Variants in VPS13A observed in about 807,000 individuals in gnomAD.
VPS13A encodes vacuolar protein sorting 13 homolog A, also known as intermembrane lipid transfer protein VPS13A.
A neutral mutation model predicts 390.9 loss-of-function variants in VPS13A; 264 were observed. That is an observed-to-expected ratio of 0.68 (90% CI 0.61 to 0.75). The LOEUF (loss-of-function observed/expected upper bound fraction) is 0.75, where lower values mean the gene tolerates loss of function less well. Ranked by LOEUF, VPS13A falls within the 30% of genes least tolerant of loss-of-function variation. The pLI, the probability that VPS13A is intolerant of heterozygous loss-of-function variation, is 0.00. For missense variants in VPS13A, 3,409 were observed against 3,733.9 expected (o/e 0.91, Z 2.27); for synonymous variants, 1,231 against 1,227.1 (o/e 1.00, Z -0.07).
intron 68 of VPS13A, among the ~76,000 whole-genome samples, chr9:77,390,805 A>C (rs1833869044): frequency 6.6e-6 from 1 of 151,848 alleles, no homozygotes; most frequent in African/African-American, 2.4e-5. Context: ...CAGCCTCCCA[A>C]GTAGCTGGGA....
At position 77,314,655 on chromosome 9, in the gene VPS13A, C is replaced by T; in HGVS notation, c.4403C>T (p.Ala1468Val). Residue 1468 changes from alanine to valine, a missense_variant, in exon 37 of 72, where the codon GCA becomes GTA. This residue lies in a region of VPS13A where 2,717 missense variants were observed against 2,917.4 expected (regional missense o/e 0.93). Transcript: ENST00000360280. The stretch of plus-strand genomic sequence containing the variant: ...GATAAAAGACCTCATGTCAAGAAAG[C>T]AACTCCTCGGTATGTATTGTAATGA... ...LDDKRPHVKKATPRMIGLTVG... is the reference protein window; with the variant it reads ...LDDKRPHVKKVTPRMIGLTVG... 1.2e-6 allele frequency: 2 copies of T among 1,611,694 alleles called. No homozygotes were observed. The highest frequency in any genetic ancestry group is 8.5e-7 in the Non-Finnish European group (1 of 1,178,402).
At chr9:77,411,039 T>TAAAGC in intron 71 of VPS13A, among the ~76,000 whole-genome samples, 1 of 152,262 alleles carries the variant, frequency 6.6e-6, no homozygotes, top group South Asian at 2.1e-4. Flanking sequence ...TAGTTGGAAG[T>TAAAGC]AAAGCACTCC....
intron 53 of VPS13A, 41 bp from the exon 54 acceptor site, chr9:77,353,368 A>C (rs780393982): frequency 7.0e-7 from 1 of 1,434,874 alleles, no homozygotes; most frequent in South Asian, 1.3e-5. Flanking sequence ...ACCAAATTCT[A>C]ATTTTTTGGT....
chr9:77,344,233 A>G lies in VPS13A; in HGVS notation c.7107A>G (p.Ile2369Met), dbSNP rs1462558729. The part of the protein sequence containing the change: ...VERSEDPPKR[I>M]YFNKQENCIL... Reference sequence around the variant, plus strand: ...GGAGTGAAGATCCTCCCAAAAGGATATATTTTAACAAGCAGGAAAATTGTA... The same window carrying G: ...GGAGTGAAGATCCTCCCAAAAGGATGTATTTTAACAAGCAGGAAAATTGTA... The change falls in exon 51 of 72, where the codon ATA becomes ATG. Residue 2369 changes from isoleucine (I) to methionine (M), a missense_variant. By Grantham distance (10) the Ile-to-Met change is conservative (BLOSUM62 1). This residue lies in a region of VPS13A where 2,717 missense variants were observed against 2,917.4 expected (regional missense o/e 0.93). Transcript: ENST00000360280. 5.0e-6 allele frequency: 8 copies of G among 1,613,384 alleles called. No individual in the cohort carries two copies. Among genetic ancestry groups the G allele is most frequent in the Non-Finnish European group, 5.1e-6 (6 of 1,179,648 alleles).
intron 5 of VPS13A, among the ~76,000 whole-genome samples, chr9:77,208,293 T>G (rs906566535): frequency 1.3e-5 from 2 of 152,170 alleles, no homozygotes; most frequent in Non-Finnish European, 2.9e-5. Flanking sequence ...TACATATGAT[T>G]AGTATCTTCA....
chr9:77,190,705 G>C (rs1437991597), intron 1 of VPS13A, among the ~76,000 whole-genome samples: 1 of 152,106 alleles, frequency 6.6e-6, no homozygotes, highest in Non-Finnish European at 1.5e-5. Flanking sequence ...AATCCATCTG[G>C]TCCAGGGCTT....
intron 71 of VPS13A, among the ~76,000 whole-genome samples, chr9:77,414,312 C>G (rs1198697969): frequency 6.6e-6 from 1 of 152,154 alleles, no homozygotes; most frequent in Admixed American, 6.6e-5. Context: ...CGGCACTATT[C>G]ACAATAGCAA....
intron 1 of VPS13A, among the ~76,000 whole-genome samples, chr9:77,179,260 T>C (rs768247129): frequency 4.6e-5 from 7 of 152,226 alleles, no homozygotes; most frequent in Non-Finnish European, 1.0e-4. Context: ...AAATTCACTC[T>C]TGTGATACAG....
At chr9:77,290,815 A>G (rs1037935755) in intron 31 of VPS13A, among the ~76,000 whole-genome samples, 3 of 152,104 alleles carry the variant, frequency 2.0e-5, no homozygotes, top group African/African-American at 4.8e-5. Context: ...TCTCTGCTAT[A>G]ATAATATTCA....
chr9:77,381,094 T>C (rs187274847), intron 67 of VPS13A, among the ~76,000 whole-genome samples: 71 of 152,334 alleles, frequency 4.7e-4, no homozygotes, highest in Middle Eastern at 3.4e-3. Context: ...GCAAAAATGT[T>C]AAATATAATA....
At chr9:77,303,749 G>A (rs919122310) in intron 34 of VPS13A, among the ~76,000 whole-genome samples, 9 of 152,306 alleles carry the variant, frequency 5.9e-5, no homozygotes, top group Middle Eastern at 6.8e-3. Context: ...GGACGTGCAC[G>A]TAAGCCAGAT....
chr9:77,369,254 A>G (rs776590640), intron 62 of VPS13A, 45 bp from the exon 63 acceptor site: 38 of 1,431,452 alleles, frequency 2.7e-5, no homozygotes, highest in Non-Finnish European at 3.6e-5. Context: ...AAGAAAAAAT[A>G]GATCTAATTA....
At chr9:77,304,981 C>T (rs1587538655) in intron 34 of VPS13A, among the ~76,000 whole-genome samples, 1 of 151,142 alleles carries the variant, frequency 6.6e-6, no homozygotes, top group African/African-American at 2.4e-5. Context: ...CTCTGTTGCC[C>T]AGGCTGGAGT....
chr9:77,241,885 C>T (rs1026575688), intron 19 of VPS13A, among the ~76,000 whole-genome samples: 5 of 152,144 alleles, frequency 3.3e-5, no homozygotes, highest in Admixed American at 6.6e-5. Context: ...CCTTTGTTTG[C>T]ATCCCCCTGT....
At chr9:77,346,544 A>G (rs1167411528) in intron 52 of VPS13A, among the ~76,000 whole-genome samples, 2 of 151,956 alleles carry the variant, frequency 1.3e-5, no homozygotes, top group African/African-American at 4.8e-5. Flanking sequence ...GGTCCCATCT[A>G]TTTTTATTTT....
At chr9:77,349,957 A>G (rs1311320214) in intron 52 of VPS13A, among the ~76,000 whole-genome samples, 1 of 152,102 alleles carries the variant, frequency 6.6e-6, no homozygotes. Flanking sequence ...TTTATCTTCT[A>G]ATAACGATCC....
intron 46 of VPS13A, among the ~76,000 whole-genome samples, chr9:77,335,493 A>G: frequency 6.6e-6 from 1 of 152,194 alleles, no homozygotes; most frequent in Admixed American, 6.5e-5. Context: ...TCTACAAAGA[A>G]CTGAAAAAAA....
intron 33 of VPS13A, among the ~76,000 whole-genome samples, chr9:77,298,777 T>A (rs1358701421): frequency 6.6e-6 from 1 of 152,140 alleles, no homozygotes; most frequent in Non-Finnish European, 1.5e-5. Context: ...GGGAGATAAT[T>A]GAATCATGAG....
chr9:77,346,961 T>G (rs1020643399), intron 52 of VPS13A, among the ~76,000 whole-genome samples: 1 of 152,166 alleles, frequency 6.6e-6, no homozygotes, highest in African/African-American at 2.4e-5. Flanking sequence ...CTACTTCATG[T>G]TTTTGTTTGT....
Sources: allele counts gnomAD v4.1 joint callset (sites outside exome capture counted in the v4.1 genomes callset), GRCh38; gene constraint gnomAD v4.1.1; regional missense constraint gnomAD v4.1.1; transcripts MANE v1.5; gene names NCBI Gene and HGNC (gene_info 2026-07-23, HGNC 2026-07-21).